Variants in SGCZ observed in about 807,000 individuals in gnomAD.
SGCZ encodes the protein sarcoglycan zeta.
SGCZ carries 40 observed loss-of-function variants against 41.3 expected under a neutral mutation model. That is an observed-to-expected ratio of 0.97 (90% CI 0.75 to 1.26). The LOEUF (loss-of-function observed/expected upper bound fraction) is 1.26, where lower values mean the gene tolerates loss of function less well. SGCZ is among the 50% of genes most tolerant of loss of function. The pLI, the probability that SGCZ is intolerant of heterozygous loss-of-function variation, is 0.00. For synonymous variants in SGCZ, 206 were observed against 137.5 expected (o/e 1.50, Z -3.49); for missense variants, 552 against 369.8 (o/e 1.49, Z -4.04).
intron 2 of SGCZ, among the ~76,000 whole-genome samples, chr8:14,421,307 T>G (rs1585486998): frequency 6.6e-6 from 1 of 152,246 alleles, no homozygotes; most frequent in South Asian, 2.1e-4. Context: ...TCCTTCTCTT[T>G]ATTATATAAA....
intron 1 of SGCZ, among the ~76,000 whole-genome samples, chr8:14,876,480 G>C (rs566097889): frequency 6.6e-6 from 1 of 152,068 alleles, no homozygotes; most frequent in East Asian, 1.9e-4. Flanking sequence ...ACAAGTGGAA[G>C]GAAGAAAATA....
chr8:14,368,651 C>A (rs529864831), intron 2 of SGCZ, among the ~76,000 whole-genome samples: 5 of 151,960 alleles, frequency 3.3e-5, no homozygotes, highest in Non-Finnish European at 5.9e-5. Flanking sequence ...CTCCAGTAAA[C>A]CAGTGAATAA....
intron 2 of SGCZ, among the ~76,000 whole-genome samples, chr8:14,409,857 A>G (rs144902968): frequency 6.6e-6 from 1 of 152,342 alleles, no homozygotes; most frequent in African/African-American, 2.4e-5. Context: ...ATTTACAAAT[A>G]TGAACAGTTA....
intron 7 of SGCZ, among the ~76,000 whole-genome samples, chr8:14,102,099 T>C: frequency 8.7e-6 from 1 of 115,388 alleles, no homozygotes; most frequent in East Asian, 3.8e-4. Context: ...TATATATATA[T>C]ATATAATTTT....
At chr8:15,219,259 A>G (rs1801511994) in intron 1 of SGCZ, among the ~76,000 whole-genome samples, 1 of 152,040 alleles carries the variant, frequency 6.6e-6, no homozygotes, top group Non-Finnish European at 1.5e-5. Flanking sequence ...ATGATACTAT[A>G]CTTTCCTTTC....
intron 5 of SGCZ, among the ~76,000 whole-genome samples, chr8:14,152,973 CA>C (rs1473423854): frequency 6.6e-6 from 1 of 151,908 alleles, no homozygotes; most frequent in African/African-American, 2.4e-5. Context: ...CTTAAACCAT[CA>C]AAACTGTAGA....
At chr8:15,117,433 T>C (rs1807313005) in intron 1 of SGCZ, among the ~76,000 whole-genome samples, 1 of 152,194 alleles carries the variant, frequency 6.6e-6, no homozygotes, top group Admixed American at 6.5e-5. Flanking sequence ...GCAAATATTA[T>C]CTCCAACAAA....
chr8:15,186,365 T>C (rs1800345760), intron 1 of SGCZ, among the ~76,000 whole-genome samples: 1 of 146,544 alleles, frequency 6.8e-6, no homozygotes, highest in South Asian at 2.2e-4. Context: ...CTGATATAAA[T>C]ACTGGCTCCA....
chr8:14,938,075 C>T (rs1199612807), intron 1 of SGCZ, among the ~76,000 whole-genome samples: 1 of 152,074 alleles, frequency 6.6e-6, no homozygotes, highest in Admixed American at 6.6e-5. Flanking sequence ...TACACTAACA[C>T]ATATATACAT....
At chr8:14,231,356 T>A (rs1585257001) in intron 4 of SGCZ, among the ~76,000 whole-genome samples, 1 of 152,016 alleles carries the variant, frequency 6.6e-6, no homozygotes, top group African/African-American at 2.4e-5. Context: ...AGGGAAGGTC[T>A]TCAGCCTTTT....
At chr8:14,400,970 A>G (rs551503564) in intron 2 of SGCZ, among the ~76,000 whole-genome samples, 1 of 152,288 alleles carries the variant, frequency 6.6e-6, no homozygotes, top group Non-Finnish European at 1.5e-5. Context: ...AAATCAAACC[A>G]TAATATGTGA....
At chr8:14,642,865 G>T (rs58491597) in intron 1 of SGCZ, among the ~76,000 whole-genome samples, 26,181 of 151,364 alleles carry the variant, frequency 0.17, 2,529 homozygotes, top group South Asian at 0.32. Context: ...AAAGCATAGG[G>T]CAATATGTTG....
At chr8:14,741,299 C>A (rs1434353848) in intron 1 of SGCZ, among the ~76,000 whole-genome samples, 1 of 152,030 alleles carries the variant, frequency 6.6e-6, no homozygotes, top group African/African-American at 2.4e-5. Flanking sequence ...TTAAGCCCAT[C>A]TTTTAGACCA....
intron 2 of SGCZ, among the ~76,000 whole-genome samples, chr8:14,498,431 A>T (rs73664366): frequency 0.31 from 46,478 of 151,880 alleles, 7,706 homozygotes; most frequent in Middle Eastern, 0.43. Flanking sequence ...ATCATAATGC[A>T]ATATGAGTGG....
intron 2 of SGCZ, among the ~76,000 whole-genome samples, chr8:14,493,514 T>G (rs1801906635): frequency 6.6e-6 from 1 of 151,066 alleles, no homozygotes; most frequent in Admixed American, 6.6e-5. Context: ...ACTACAGGTG[T>G]GCACTACCAC....
chr8:14,166,432 T>C (rs1044839601), intron 4 of SGCZ, among the ~76,000 whole-genome samples: 2 of 152,092 alleles, frequency 1.3e-5, no homozygotes, highest in African/African-American at 4.8e-5. Context: ...AACTATTGGG[T>C]GATGTTCAAA....
At chr8:14,989,518 G>A (rs931955205) in intron 1 of SGCZ, among the ~76,000 whole-genome samples, 1 of 151,982 alleles carries the variant, frequency 6.6e-6, no homozygotes, top group Non-Finnish European at 1.5e-5. Context: ...AAAGATAAGA[G>A]ATTCATATGC....
At chr8:14,644,574 C>T (rs1585149577) in intron 1 of SGCZ, among the ~76,000 whole-genome samples, 1 of 151,666 alleles carries the variant, frequency 6.6e-6, no homozygotes, top group Admixed American at 6.6e-5. Flanking sequence ...TCTGGAGATC[C>T]TGATTCGAAA....
chr8:14,927,549 A>T (rs1173894467), intron 1 of SGCZ, among the ~76,000 whole-genome samples: 1 of 131,766 alleles, frequency 7.6e-6, no homozygotes, highest in Non-Finnish European at 1.8e-5. Flanking sequence ...AGGAAGAAAG[A>T]AGAGGGAGAG....
Sources: allele counts gnomAD v4.1 joint callset (sites outside exome capture counted in the v4.1 genomes callset), GRCh38; gene constraint gnomAD v4.1.1; transcripts MANE v1.5; gene names NCBI Gene and HGNC (gene_info 2026-07-23, HGNC 2026-07-21).